The following ZFP41 variants were observed in gnomAD, a reference collection of about 807,000 sequenced individuals.
ZFP41 encodes the protein ZFP41 zinc finger protein, also known as zinc finger protein 41 homolog.
A neutral mutation model predicts 11.6 loss-of-function variants in ZFP41; 10 were observed. That is an observed-to-expected ratio of 0.86 (90% CI 0.53 to 1.47). The LOEUF (loss-of-function observed/expected upper bound fraction) is 1.47, where lower values mean the gene tolerates loss of function less well. Ranked by LOEUF, ZFP41 falls within the 40% of genes most tolerant of loss-of-function variation. The pLI, the probability that ZFP41 is intolerant of heterozygous loss-of-function variation, is 0.00. For synonymous variants in ZFP41, 123 were observed against 100.9 expected (o/e 1.22, Z -1.31); for missense variants, 302 against 264.6 (o/e 1.14, Z -0.98).
chr8:143,246,999 G>A lies in ZFP41; in HGVS notation c.-298G>A, dbSNP rs1023390502. 6.6e-6 allele frequency: 1 copy of A among 152,486 alleles called. No homozygotes were observed. Among genetic ancestry groups the A allele is most frequent in the Non-Finnish European group, 1.5e-5 (1 of 68,220 alleles). The allele number at this position is 152,486 out of a possible 1,614,324, so 9.4% of individuals were successfully genotyped here. On this transcript the variant is annotated 5_prime_UTR_variant, in exon 1 of 3. Transcript: ENST00000330701. Reference sequence around the variant, plus strand: ...GGCACTGGTGGGGAGCTGTTGGGGGGTCCCGCATCTAGGGCTCTCCTTTCC... The same window carrying A: ...GGCACTGGTGGGGAGCTGTTGGGGGATCCCGCATCTAGGGCTCTCCTTTCC...
At chr8:143,256,271 C>G (rs1387646649) in intron 2 of ZFP41, among the ~76,000 whole-genome samples, 10 of 93,574 alleles carry the variant, frequency 1.1e-4, no homozygotes, top group African/African-American at 4.9e-4. Context: ...GATCACGGCT[C>G]GCCCCGCGTG....
At position 143,254,123 on chromosome 8, in the gene ZFP41, C is replaced by A. The variant is rs919050979; in HGVS notation, c.*900+2783C>A. ...ACCCACTTCTAACAGGCCATGGACC[C>A]GTCTTGAGGTCAGGGACTCCTGCAT... On this transcript the variant is annotated intron_variant, in intron 2 of 2. Coordinates refer to ENST00000330701, the MANE Select transcript of ZFP41 (RefSeq NM_173832.6). Among the ~76,000 whole-genome samples, 3 of 152,162 alleles carry A rather than the reference C, an allele frequency of 2.0e-5. No homozygotes were observed. The South Asian group carries it at 6.2e-4, about 31-fold the overall frequency.
intron 2 of ZFP41, among the ~76,000 whole-genome samples, chr8:143,255,529 C>T (rs1305977560): frequency 6.9e-6 from 1 of 144,876 alleles, no homozygotes; most frequent in South Asian, 2.3e-4. Context: ...GGGCTCGCCC[C>T]ACGTGCTGGA....
intron 2 of ZFP41, among the ~76,000 whole-genome samples, chr8:143,256,390 T>G (rs1814914296): frequency 1.4e-5 from 2 of 147,968 alleles, no homozygotes; most frequent in African/African-American, 2.5e-5. Context: ...CGTGCTGGAG[T>G]TAGTGAGATC....
At chr8:143,254,114 C>A (rs1269397477) in intron 2 of ZFP41, among the ~76,000 whole-genome samples, 4 of 152,182 alleles carry the variant, frequency 2.6e-5, no homozygotes, top group African/African-American at 9.7e-5. Flanking sequence ...TTCTAACAGG[C>A]CATGGACCCG....
At chr8:143,258,980 G>A (rs1045478533) in intron 2 of ZFP41, among the ~76,000 whole-genome samples, 4 of 152,218 alleles carry the variant, frequency 2.6e-5, no homozygotes, top group Non-Finnish European at 2.9e-5. Context: ...GAAGATGTGC[G>A]TTCCTGCTGA....
chr8:143,257,786 C>T (rs189020127), intron 2 of ZFP41, among the ~76,000 whole-genome samples: 98 of 152,266 alleles, frequency 6.4e-4, no homozygotes, highest in Non-Finnish European at 1.1e-3. Flanking sequence ...ACGTGGCAGC[C>T]CAGCTCGAGG....
chr8:143,261,799 GCCCCCAC>G lies in ZFP41; in HGVS notation c.*2928_*2934del, dbSNP rs1372513360. On this transcript the variant is annotated 3_prime_UTR_variant, in exon 3 of 3. Transcript: ENST00000330701. Reference sequence around the variant, plus strand: ...TCCACGCCCGTCTCCAGCAGCCCCTGCCCCCACCCGCACCCCTGCACCTGCCACGCCT... The same window carrying G: ...TCCACGCCCGTCTCCAGCAGCCCCTGCCGCACCCCTGCACCTGCCACGCCT... 2.0e-5 allele frequency: 4 copies of G among 199,832 alleles called. No individual in the cohort carries two copies. The highest frequency in any genetic ancestry group is 1.3e-4 in the Admixed American group (2 of 15,136). The allele number at this position is 199,832 out of a possible 1,614,324, so 12.4% of individuals were successfully genotyped here.
rs1273573759 is a variant in ZFP41, at chr8:143,251,254, C to T, written c.*814C>T. 2 of 167,280 alleles carry T rather than the reference C, an allele frequency of 1.2e-5. No individual in the cohort carries two copies. The highest frequency in any genetic ancestry group is 2.4e-5 in the African/African-American group (1 of 41,468). The allele number at this position is 167,280 out of a possible 1,614,324, so 10.4% of individuals were successfully genotyped here. ...TGCAGTGGGGCCCCTGGGGTGCCCT[C>T]GGCAGCTTCGGTCCAGCCTGCATCT... is the stretch of plus-strand genomic sequence containing the variant. On this transcript the variant is annotated 3_prime_UTR_variant, in exon 2 of 3. Transcript: ENST00000330701.
chr8:143,254,792 C>T (rs544120541), intron 2 of ZFP41, among the ~76,000 whole-genome samples: 2 of 151,976 alleles, frequency 1.3e-5, no homozygotes, highest in Non-Finnish European at 2.9e-5. Flanking sequence ...ACCACCACGC[C>T]CAGCTAATTT....
chr8:143,254,113 G>A (rs1230761810), intron 2 of ZFP41, among the ~76,000 whole-genome samples: 7 of 152,264 alleles, frequency 4.6e-5, no homozygotes, highest in Non-Finnish European at 8.8e-5. Flanking sequence ...CTTCTAACAG[G>A]CCATGGACCC....
At chr8:143,249,633 C>T in intron 1 of ZFP41, 57 bp from the exon 2 acceptor site, 1 of 715,890 alleles carries the variant, frequency 1.4e-6, no homozygotes, top group East Asian at 3.0e-5. Flanking sequence ...ACCTGAATCC[C>T]ACATCCCCTG....
Position 143,250,662 on chromosome 8 carries a change from G to C in ZFP41, c.*222G>C. On this transcript the variant is annotated 3_prime_UTR_variant, in exon 2 of 3. Transcript: ENST00000330701. ...GTCTCTCTGATCAAGACACCGCAGT[G>C]ATGGAGAAGCCACCAGAGGCTCCTT... 1.4e-6 allele frequency: 1 copy of C among 707,056 alleles called. No homozygotes were observed. The highest frequency in any genetic ancestry group is 2.3e-5 in the South Asian group (1 of 43,942). The allele number at this position is 707,056 out of a possible 1,614,324, so 43.8% of individuals were successfully genotyped here. A position where few individuals can be genotyped will look rare whatever the true frequency, so the allele number is the denominator to read the frequency against.
In ZFP41 at chr8:143,250,074, GTTCATTCCTT is replaced by G. The variant is rs754966143; in HGVS notation, c.236_245del (p.Ile79ArgfsTer78). 11 of 1,614,190 alleles carry G rather than the reference GTTCATTCCTT, an allele frequency of 6.8e-6. No individual in the cohort carries two copies. The South Asian group carries it at 1.2e-4, about 18-fold the overall frequency. On this transcript the variant is annotated frameshift_variant, in exon 2 of 3. Coordinates refer to ENST00000330701, the MANE Select transcript of ZFP41 (RefSeq NM_173832.6). LOFTEE classifies it high-confidence loss of function. ...AAGATGACTTTGAGGGGGTTCCCGT[GTTCATTCCTT>G]TTCAGAGGAAGAAACCCTATGAGTG...
intron 2 of ZFP41, among the ~76,000 whole-genome samples, chr8:143,256,039 G>A (rs1814904239): frequency 1.6e-5 from 1 of 62,790 alleles, no homozygotes; most frequent in Non-Finnish European, 2.9e-5. Flanking sequence ...GGCTCACCCC[G>A]CGTGCTGGTG....
Position 143,261,176 on chromosome 8 carries a change from G to A in ZFP41, c.*2302G>A, listed in dbSNP as rs1050149813. Reference sequence around the variant, plus strand: ...TGGTGGGGTCCACCTGCGTTTCTGGGGAGCCCACGGACCCTGGGGTGTACC... The same window carrying A: ...TGGTGGGGTCCACCTGCGTTTCTGGAGAGCCCACGGACCCTGGGGTGTACC... On this transcript the variant is annotated 3_prime_UTR_variant, in exon 3 of 3. Transcript: ENST00000330701. The A allele has an allele frequency of 6.6e-6, 1 of 152,308 alleles. No individual in the cohort carries two copies. The highest frequency in any genetic ancestry group is 2.4e-5 in the African/African-American group (1 of 41,460). 9.4% of individuals were successfully genotyped at this position (152,308 alleles called of 1,614,324 possible).
chr8:143,255,878 T>A (rs28537529), intron 2 of ZFP41, among the ~76,000 whole-genome samples: 5 of 98,114 alleles, frequency 5.1e-5, no homozygotes, highest in East Asian at 3.3e-4. Flanking sequence ...CGCGTGCTGG[T>A]GTTAGTGAGA....
Position 143,250,287 on chromosome 8 carries a change from C to T in ZFP41, c.444C>T (p.Cys148=), listed in dbSNP as rs750206266. ...AGAAGCCCTTCAAATGCGGGGAGTG[C>T]GGGAAAGCCTTTAACTGCGGCTCCA... ...TGEKPFKCGE[C]GKAFNCGSNL... Residue 148 remains cysteine (C), a synonymous_variant, in exon 2 of 3, where the codon TGC becomes TGT. Transcript: ENST00000330701. 31 of 1,613,918 alleles carry T rather than the reference C, an allele frequency of 1.9e-5. No homozygotes were observed. Among genetic ancestry groups the T allele is most frequent in the African/African-American group, 2.7e-5 (2 of 74,906 alleles).
rs144003542 is a variant in ZFP41 at position 143,251,589 on chromosome 8, G to T, written c.*900+249G>T. On this transcript the variant is annotated intron_variant, in intron 2 of 2. Coordinates refer to ENST00000330701, the MANE Select transcript of ZFP41 (RefSeq NM_173832.6). ...ACACTAATCACGGCCCTAGTCTTTG[G>T]GGATTCTGTCCTGGAAGGAGGGTCC... Among the ~76,000 whole-genome samples, 304 of 152,350 alleles carry T rather than the reference G, an allele frequency of 2.0e-3. 2 individuals are homozygous for T. Among genetic ancestry groups the T allele is most frequent in the African/African-American group, 7.2e-3 (299 of 41,580 alleles).
Sources: gnomAD v4.1 joint callset for allele counts (sites outside exome capture counted in the v4.1 genomes callset) on GRCh38, gnomAD v4.1.1 for gene constraint, MANE v1.5 for transcripts, NCBI Gene and HGNC (gene_info 2026-07-23, HGNC 2026-07-21) for gene names.